NKIRAS1: variants seen among roughly 807,000 people sequenced by gnomAD.
NKIRAS1 encodes the protein NFKB inhibitor interacting Ras like 1.
In NKIRAS1, 16 loss-of-function variants were observed where a neutral mutation model predicts 19.8. That is an observed-to-expected ratio of 0.81 (90% CI 0.55 to 1.23). The LOEUF (loss-of-function observed/expected upper bound fraction) is 1.23. Ranked by LOEUF, NKIRAS1 falls within the 50% of genes most tolerant of loss-of-function variation. The pLI is 0.00. For synonymous variants in NKIRAS1, 88 were observed against 79.0 expected (o/e 1.11, Z -0.61); for missense variants, 184 against 220.0 (o/e 0.84, Z 1.04).
rs868459417 is a variant in NKIRAS1, at chr3:23,927,639, A to T, written c.-139-16189T>A. On this transcript the variant is annotated intron_variant, in intron 1 of 4. Coordinates refer to the NKIRAS1 transcript ENST00000421515. This position sits in a 1 kb window ranked among gnomAD's most constrained non-coding sequence, Gnocchi z 4.0. ...TTATTTGGCAGTCCTAGTTAGTTAG[A>T]GACATTAACTGATGGATGATGTAAT... 2.0e-5 allele frequency among the ~76,000 whole-genome samples: 3 copies of T among 152,232 alleles called. No homozygotes were observed. The South Asian group carries it at 6.2e-4, about 31-fold the overall frequency.
chr3:23,901,069 T>C lies in NKIRAS1; in HGVS notation c.95-20A>G. ...CCATTCCTGGGATTAAGAAAACAAATTACTCTTTTTGGCTAAGTCAGTGTC... is the reference window on the plus strand; with the variant it reads ...CCATTCCTGGGATTAAGAAAACAAACTACTCTTTTTGGCTAAGTCAGTGTC... On this transcript the variant is annotated intron_variant, in intron 3 of 4. Transcript: ENST00000425478. 3 of 1,611,406 alleles carry C rather than the reference T, an allele frequency of 1.9e-6. No homozygotes were observed. The East Asian group carries it at 6.7e-5, about 36-fold the overall frequency.
At chr3:23,917,579 C>T, upstream of NKIRAS1, 1 of 332,580 alleles carries the variant, frequency 3.0e-6, no homozygotes, top group Non-Finnish European at 5.5e-6. Flanking sequence ...CTGCCGCAGC[C>T]ACCCGCCCCC....
At chr3:23,897,023 A>G (rs1559501526) in intron 4 of NKIRAS1, among the ~76,000 whole-genome samples, 1 of 152,126 alleles carries the variant, frequency 6.6e-6, no homozygotes, top group African/African-American at 2.4e-5. Context: ...CCTGGGCAAC[A>G]GAGCAAGACC....
At chr3:23,945,232 CG>C (rs1705611173) in intron 1 of NKIRAS1, 1 of 126,540 alleles carries the variant, frequency 7.9e-6, no homozygotes, top group Admixed American at 7.9e-5. Context: ...CGGCCGAGGG[CG>C]GGCGGAGGGA....
chr3:23,945,154 G>C (rs1243641810), intron 1 of NKIRAS1: 2 of 118,452 alleles, frequency 1.7e-5, no homozygotes. Context: ...CAGGAGAAAA[G>C]GGTAGCCGGG....
At chr3:23,908,543 G>C (rs2125407127) in intron 3 of NKIRAS1, among the ~76,000 whole-genome samples, 1 of 152,082 alleles carries the variant, frequency 6.6e-6, no homozygotes, top group East Asian at 1.9e-4. Context: ...CATCAGAAAA[G>C]ATTTTCTAAA....
chr3:23,936,528 G>A (rs1029958132), intron 1 of NKIRAS1, among the ~76,000 whole-genome samples: 2 of 152,078 alleles, frequency 1.3e-5, no homozygotes, highest in Non-Finnish European at 2.9e-5. Context: ...ATCTGAGGTA[G>A]AGCCCGAAAA....
At chr3:23,945,752 C>T (rs1272987069) in intron 1 of NKIRAS1, among the ~76,000 whole-genome samples, 1 of 150,240 alleles carries the variant, frequency 6.7e-6, no homozygotes, top group Non-Finnish European at 1.5e-5. Context: ...TTCCCATCGC[C>T]CCCCGGGCCG....
intron 1 of NKIRAS1, among the ~76,000 whole-genome samples, chr3:23,936,153 T>C (rs937958407): frequency 2.0e-5 from 3 of 151,176 alleles, no homozygotes; most frequent in Non-Finnish European, 2.9e-5. Flanking sequence ...GGAGTGTTTA[T>C]TCTGAGAATA....
rs752251107 is a variant in NKIRAS1, at chr3:23,890,472, T to G, written c.*2623A>C. ...TTCGCTAAAGTTTAAAATGTTCTTT[T>G]CCTTTCTCCAAAGTAATCTACATTC... On this transcript the variant is annotated 3_prime_UTR_variant, in exon 5 of 5. Transcript: ENST00000425478. The G allele has an allele frequency of 1.3e-6, 2 of 1,593,290 alleles. No homozygotes were observed. The highest frequency in any genetic ancestry group is 1.1e-5 in the South Asian group (1 of 88,184).
chr3:23,914,820 TG>T (rs1704149675), intron 1 of NKIRAS1, among the ~76,000 whole-genome samples: 1 of 152,240 alleles, frequency 6.6e-6, no homozygotes. Context: ...CTACTAGAAT[TG>T]TTTTTCCAAA....
intron 3 of NKIRAS1, among the ~76,000 whole-genome samples, chr3:23,906,129 A>AC (rs919959667): frequency 8.0e-6 from 1 of 124,300 alleles, no homozygotes; most frequent in African/African-American, 3.2e-5. Flanking sequence ...ACTGCACTCC[A>AC]CCCTGGGTGA....
intron 1 of NKIRAS1, among the ~76,000 whole-genome samples, chr3:23,944,776 G>A (rs1559518621): frequency 6.6e-6 from 1 of 151,268 alleles, no homozygotes; most frequent in Non-Finnish European, 1.5e-5. Context: ...AGGGTGCAGA[G>A]GGAAAGGGAA....
chr3:23,933,963 G>A (rs1705355594), intron 1 of NKIRAS1, among the ~76,000 whole-genome samples: 1 of 152,108 alleles, frequency 6.6e-6, no homozygotes. Flanking sequence ...TTTACAATGT[G>A]GCTAATATCA....
At chr3:23,920,291 C>T (rs1164324461), upstream of NKIRAS1, 20 of 985,682 alleles carry the variant, frequency 2.0e-5, no homozygotes, top group East Asian at 2.3e-4. Context: ...GCTATAAGTA[C>T]GTCATTCTTA....
rs548972226 is a variant in NKIRAS1 at position 23,945,904 on chromosome 3, C to T, written c.-140+419G>A. On this transcript the variant is annotated intron_variant, in intron 1 of 4. Coordinates refer to the NKIRAS1 transcript ENST00000421515. ...TCGGCGGCGCGCGGGCGCCGGTTGG[C>T]TGGGCGGGCGCGTGACGCGGCATTA... Among the ~76,000 whole-genome samples, 674 of 150,366 alleles carry T rather than the reference C, an allele frequency of 4.5e-3. 6 individuals are homozygous for T. Among genetic ancestry groups the T allele is most frequent in the African/African-American group, 0.015 (628 of 41,108 alleles).
At chr3:23,913,091 C>A in intron 1 of NKIRAS1, among the ~76,000 whole-genome samples, 1 of 146,574 alleles carries the variant, frequency 6.8e-6, no homozygotes, top group Admixed American at 6.8e-5. Context: ...GTACTTTGAT[C>A]ACTCATTGAT....
intron 3 of NKIRAS1, among the ~76,000 whole-genome samples, chr3:23,910,084 C>G (rs922794792): frequency 4.0e-5 from 6 of 150,468 alleles, no homozygotes; most frequent in Non-Finnish European, 8.8e-5. Flanking sequence ...GTCTTGATCT[C>G]TTGACCTCAT....
chr3:23,932,594 A>C (rs1705336703), intron 1 of NKIRAS1, among the ~76,000 whole-genome samples: 1 of 151,408 alleles, frequency 6.6e-6, no homozygotes, highest in Non-Finnish European at 1.5e-5. Context: ...AGGCTGAGGC[A>C]GGAGAATTGC....
Sources: gnomAD v4.1 joint callset for allele counts (sites outside exome capture counted in the v4.1 genomes callset) on GRCh38, gnomAD v4.1.1 for gene constraint, Gnocchi (gnomAD v3.1) non-coding constraint, MANE v1.5 for transcripts, NCBI Gene and HGNC (gene_info 2026-07-23, HGNC 2026-07-21) for gene names.